Variants in PDE1C observed in about 807,000 individuals in gnomAD.
PDE1C encodes the protein phosphodiesterase 1C, also known as dual specificity calcium/calmodulin-dependent 3',5'-cyclic nucleotide phosphodiesterase 1C.
PDE1C carries 62 observed loss-of-function variants against 93.1 expected under a neutral mutation model. The observed-to-expected ratio is 0.67, with a 90% CI of 0.54 to 0.82. The LOEUF (loss-of-function observed/expected upper bound fraction) is 0.82. Ranked by LOEUF, PDE1C falls within the 40% of genes least tolerant of loss-of-function variation. The probability of loss-of-function intolerance (pLI) is 0.00; values close to 1 mark genes in which losing one functional copy is unlikely to be tolerated. For synonymous variants in PDE1C, 325 were observed against 310.1 expected (o/e 1.05, Z -0.50); for missense variants, 742 against 884.6 (o/e 0.84, Z 2.04).
intron 2 of PDE1C, among the ~76,000 whole-genome samples, chr7:32,192,504 T>G (rs774744663): frequency 6.6e-6 from 1 of 152,188 alleles, no homozygotes; most frequent in Non-Finnish European, 1.5e-5. Context: ...CAGCATATTT[T>G]TGTGGATTCA....
the PDE1C span, among the ~76,000 whole-genome samples, chr7:31,646,796 T>C: frequency 6.6e-6 from 1 of 152,160 alleles, no homozygotes. Context: ...TTTGAATGGG[T>C]GTGAGGGCCA....
intron 2 of PDE1C, among the ~76,000 whole-genome samples, chr7:32,206,085 G>T: frequency 6.6e-6 from 1 of 152,236 alleles, no homozygotes; most frequent in East Asian, 1.9e-4. Context: ...AAGGTTACCT[G>T]CTCAACGCGG....
intron 2 of PDE1C, among the ~76,000 whole-genome samples, chr7:32,001,455 T>G (rs1011157607): frequency 2.0e-5 from 3 of 152,186 alleles, no homozygotes; most frequent in African/African-American, 7.2e-5. Context: ...ATTACGGTTA[T>G]TTATGTGCAT....
At chr7:31,932,150 G>C (rs1000123851) in intron 2 of PDE1C, among the ~76,000 whole-genome samples, 10 of 152,176 alleles carry the variant, frequency 6.6e-5, no homozygotes, top group Admixed American at 5.2e-4. Flanking sequence ...TCAGGACATA[G>C]GCATGGGCAA....
chr7:32,416,745 G>C (rs895024419), intron 1 of PDE1C, among the ~76,000 whole-genome samples: 5 of 152,080 alleles, frequency 3.3e-5, no homozygotes, highest in South Asian at 2.1e-4. Flanking sequence ...CAGGATGGGG[G>C]TCTGCACACA....
At chr7:32,172,331 A>C (rs2128806726) in intron 2 of PDE1C, among the ~76,000 whole-genome samples, 1 of 152,170 alleles carries the variant, frequency 6.6e-6, no homozygotes, top group East Asian at 1.9e-4. Flanking sequence ...CAAGGAACTT[A>C]AACAAATTTA....
At chr7:32,320,360 G>C (rs1460512510) in intron 1 of PDE1C, among the ~76,000 whole-genome samples, 1 of 152,094 alleles carries the variant, frequency 6.6e-6, no homozygotes, top group Non-Finnish European at 1.5e-5. Context: ...GGGCCTGTGG[G>C]AGGAGTGGGA....
chr7:31,767,010 A>G (rs2128617719), intron 17 of PDE1C, among the ~76,000 whole-genome samples: 1 of 152,344 alleles, frequency 6.6e-6, no homozygotes, highest in South Asian at 2.1e-4. Context: ...TCTCTTAAAA[A>G]CAAGATAGAC....
chr7:32,150,117 C>G (rs920575142), intron 3 of PDE1C, among the ~76,000 whole-genome samples: 2 of 152,200 alleles, frequency 1.3e-5, no homozygotes, highest in African/African-American at 2.4e-5. Flanking sequence ...GCAGAACTGA[C>G]TCCCAGCACC....
At chr7:32,314,057 A>T (rs1002981545) in intron 1 of PDE1C, among the ~76,000 whole-genome samples, 13 of 151,926 alleles carry the variant, frequency 8.6e-5, no homozygotes, top group South Asian at 4.2e-4. Context: ...AGAAATGAAA[A>T]AAATAAATAA....
chr7:31,948,753 C>G (rs1806963786), intron 2 of PDE1C, among the ~76,000 whole-genome samples: 1 of 152,068 alleles, frequency 6.6e-6, no homozygotes, highest in African/African-American at 2.4e-5. Flanking sequence ...ACTCTTTCCC[C>G]ATTATCAAGA....
chr7:31,853,998 A>T (rs920578937), intron 7 of PDE1C, among the ~76,000 whole-genome samples: 29 of 151,014 alleles, frequency 1.9e-4, no homozygotes, highest in African/African-American at 6.1e-4. Flanking sequence ...AAATTCTGGG[A>T]TTATAGGCGT....
At chr7:32,018,195 C>G (rs1301511350) in intron 2 of PDE1C, among the ~76,000 whole-genome samples, 1 of 151,860 alleles carries the variant, frequency 6.6e-6, no homozygotes, top group Admixed American at 6.6e-5. Context: ...AATTGGAACC[C>G]TCATACACTA....
At position 32,419,634 on chromosome 7, in the gene PDE1C, C is replaced by T. The variant is rs376828403; in HGVS notation, c.310+8188G>A. Among the ~76,000 whole-genome samples the T allele has an allele frequency of 1.7e-4, 26 of 152,262 alleles. 1 individual carries two copies. The East Asian group carries it at 4.8e-3, about 28-fold the overall frequency. ...ACCTTCCTGGCAGTGGCTGCCTAGC[C>T]CTGGGCTTCGGCTCCCTCCTTCTGG... On this transcript the variant is annotated intron_variant, in intron 1 of 1. Transcript: ENST00000672256.
the PDE1C span, chr7:31,696,996 C>G: frequency 6.2e-7 from 1 of 1,613,916 alleles, no homozygotes; most frequent in Non-Finnish European, 8.5e-7. Context: ...TTAAAAGATA[C>G]GATGTTCAAG....
At position 32,206,476 on chromosome 7, in the gene PDE1C, C is replaced by G. The variant is rs1024525967; in HGVS notation, c.136+3013G>C. On this transcript the variant is annotated intron_variant, in intron 2 of 18. Transcript: ENST00000396193. Reference sequence around the variant, plus strand: ...ACTGGAGGGCAGCTTCACCAGCATCCCAGAGAGCAGGACTAGAAAGGGACC... The same window carrying G: ...ACTGGAGGGCAGCTTCACCAGCATCGCAGAGAGCAGGACTAGAAAGGGACC... Among the ~76,000 whole-genome samples the G allele has an allele frequency of 2.6e-5, 4 of 152,110 alleles. No homozygotes were observed. In the East Asian group the frequency reaches 7.7e-4, roughly 29 times the overall value.
At chr7:32,124,977 C>T (rs1487907783) in intron 3 of PDE1C, among the ~76,000 whole-genome samples, 3 of 152,044 alleles carry the variant, frequency 2.0e-5, no homozygotes, top group Non-Finnish European at 4.4e-5. Context: ...TTCCATCTGA[C>T]AAAGATCTAA....
At chr7:31,969,894 A>C (rs1258971054) in intron 2 of PDE1C, among the ~76,000 whole-genome samples, 2 of 152,170 alleles carry the variant, frequency 1.3e-5, no homozygotes, top group Non-Finnish European at 2.9e-5. Flanking sequence ...TCGCAAGGAC[A>C]AAAAACCAAA....
chr7:31,822,818 G>C (rs962649849), intron 14 of PDE1C, among the ~76,000 whole-genome samples: 5 of 152,138 alleles, frequency 3.3e-5, no homozygotes, highest in African/African-American at 9.7e-5. Context: ...CCCATGTCCT[G>C]TAGAGTCTTC....
Sources: allele counts gnomAD v4.1 joint callset (sites outside exome capture counted in the v4.1 genomes callset), GRCh38; gene constraint gnomAD v4.1.1; transcripts MANE v1.5; gene names NCBI Gene and HGNC (gene_info 2026-07-23, HGNC 2026-07-21).